BCAT1: variants seen among roughly 807,000 people sequenced by gnomAD.
BCAT1 encodes the protein branched chain amino acid transaminase 1.
Under a neutral mutation model 52.4 loss-of-function variants are expected in BCAT1, and 48 were observed. That is an observed-to-expected ratio of 0.92 (90% CI 0.73 to 1.16). BCAT1 has a LOEUF of 1.16. BCAT1 is among the 50% of genes most tolerant of loss of function. The pLI, the probability that BCAT1 is intolerant of heterozygous loss-of-function variation, is 0.00. For missense variants in BCAT1, 451 were observed against 457.1 expected (o/e 0.99, Z 0.12); for synonymous variants, 167 against 161.3 (o/e 1.04, Z -0.27).
chr12:24,836,886 A>G, intron 7 of BCAT1, among the ~76,000 whole-genome samples: 1 of 83,292 alleles, frequency 1.2e-5, no homozygotes, highest in African/African-American at 4.9e-5. Context: ...AAAGAGAAAG[A>G]AAGAAAGAAA....
chr12:24,846,534 A>T (rs566928400), intron 6 of BCAT1, among the ~76,000 whole-genome samples: 1 of 152,352 alleles, frequency 6.6e-6, no homozygotes, highest in East Asian at 1.9e-4. Context: ...ACATCCCTCC[A>T]AAAGAATAAA....
chr12:24,898,705 AG>A (rs1943019983), intron 2 of BCAT1, among the ~76,000 whole-genome samples: 1 of 151,582 alleles, frequency 6.6e-6, no homozygotes, highest in African/African-American at 2.4e-5. Flanking sequence ...TAATACAAAC[AG>A]GGTTTCACCA....
chr12:24,828,710 T>G (rs1158744289), intron 10 of BCAT1, among the ~76,000 whole-genome samples: 1 of 152,110 alleles, frequency 6.6e-6, no homozygotes, highest in South Asian at 2.1e-4. Flanking sequence ...AAAATAACTA[T>G]CTAAAAGTAT....
rs1943979389 is a variant in BCAT1, at chr12:24,948,967, C to G, written c.-35G>C. ...GGCCACGAGGGAAGCTCGAGCTGAG[C>G]GGAGGGCAGATCCCAAGGGTCGTAG... On this transcript the variant is annotated 5_prime_UTR_variant, in exon 1 of 11. Transcript: ENST00000261192. 1 of 1,585,952 alleles carries G rather than the reference C, an allele frequency of 6.3e-7. No individual in the cohort carries two copies. The highest frequency in any genetic ancestry group is 1.3e-5 in the African/African-American group (1 of 74,532).
At chr12:24,871,935 T>C (rs759134804) in intron 5 of BCAT1, among the ~76,000 whole-genome samples, 161 of 152,294 alleles carry the variant, frequency 1.1e-3, no homozygotes, top group Non-Finnish European at 2.8e-4. Context: ...AAACTGAATA[T>C]TGTTTATAAA....
chr12:24,835,988 C>T (rs1940905975), intron 8 of BCAT1, among the ~76,000 whole-genome samples: 1 of 152,036 alleles, frequency 6.6e-6, no homozygotes, highest in Admixed American at 6.6e-5. Context: ...TTAAAATAGG[C>T]ATGTATATGA....
At chr12:24,902,363 G>T in intron 1 of BCAT1, 1 of 1,173,216 alleles carries the variant, frequency 8.5e-7, no homozygotes, top group East Asian at 4.7e-5. Flanking sequence ...CCACCAGCAG[G>T]GTCCTCCGAT....
At chr12:24,865,404 G>A (rs371662891) in intron 5 of BCAT1, among the ~76,000 whole-genome samples, 33 of 152,328 alleles carry the variant, frequency 2.2e-4, no homozygotes, top group African/African-American at 7.7e-4. Context: ...TGTGTGAGCT[G>A]CAGTAAGTAT....
intron 1 of BCAT1, among the ~76,000 whole-genome samples, chr12:24,917,168 G>C (rs550313504): frequency 1.3e-5 from 2 of 148,812 alleles, no homozygotes; most frequent in South Asian, 4.3e-4. Context: ...CTGCATGAAT[G>C]CATCAGTTTT....
At chr12:24,931,518 G>A (rs375923305) in intron 1 of BCAT1, among the ~76,000 whole-genome samples, 5 of 152,058 alleles carry the variant, frequency 3.3e-5, no homozygotes, top group African/African-American at 7.2e-5. Context: ...AATAAAAAGA[G>A]ACCCTGAATA....
At chr12:24,879,250 G>A (rs1464586658) in intron 4 of BCAT1, among the ~76,000 whole-genome samples, 1 of 152,168 alleles carries the variant, frequency 6.6e-6, no homozygotes, top group Non-Finnish European at 1.5e-5. Flanking sequence ...CAAACTGGGT[G>A]AAGTTATTGG....
In BCAT1 at chr12:24,829,882, T is replaced by G; in HGVS notation, c.1060A>C (p.Thr354Pro). 6.2e-7 allele frequency: 1 copy of G among 1,610,076 alleles called. No individual in the cohort carries two copies. The highest frequency in any genetic ancestry group is 1.7e-4 in the Middle Eastern group (1 of 6,050). ...GCCAGCTTAGGACCATTCTCCATAG[T>G]TGGAATGTGTATTGTCTACAAAAGA... Reference protein sequence around the residue: ...LYKGETIHIPTMENGPKLASR... With the variant: ...LYKGETIHIPPMENGPKLASR... Residue 354 changes from threonine to proline, a missense_variant, in exon 10 of 11, where the codon ACT (threonine) becomes CCT (proline). Transcript: ENST00000261192.
rs1325813561 is a variant in BCAT1, at chr12:24,812,905, C to A, written c.*5103G>T. 2.0e-5 allele frequency: 3 copies of A among 152,020 alleles called. No individual in the cohort carries two copies. Among genetic ancestry groups the A allele is most frequent in the Non-Finnish European group, 4.4e-5 (3 of 67,926 alleles). The allele number at this position is 152,020 out of a possible 1,614,324, so 9.4% of individuals were successfully genotyped here. On this transcript the variant is annotated 3_prime_UTR_variant, in exon 11 of 11. Coordinates refer to ENST00000261192, the MANE Select transcript of BCAT1 (RefSeq NM_005504.7). ...CCATCCCAACAGTAGATTACATAAACTGAACATCATGCAACTCAAGTTATA... is the reference window on the plus strand; with the variant it reads ...CCATCCCAACAGTAGATTACATAAAATGAACATCATGCAACTCAAGTTATA...
intron 1 of BCAT1, 118 bp from the exon 2 acceptor site, chr12:24,902,003 A>G: frequency 1.3e-6 from 2 of 1,594,972 alleles, no homozygotes; most frequent in Non-Finnish European, 1.7e-6. Flanking sequence ...AGGCAAACAC[A>G]AAAAAGGAGG....
At chr12:24,943,156 A>G (rs1105937) in intron 1 of BCAT1, among the ~76,000 whole-genome samples, 31,545 of 152,124 alleles carry the variant, frequency 0.21, 4,572 homozygotes, top group South Asian at 0.38. Context: ...TTGTGTCTAT[A>G]TGTGTTTGCA....
chr12:24,889,438 G>A (rs1051002258), intron 3 of BCAT1, among the ~76,000 whole-genome samples: 1 of 152,182 alleles, frequency 6.6e-6, no homozygotes, highest in African/African-American at 2.4e-5. Context: ...AGTCCCCCAT[G>A]CTCTTCCAGA....
chr12:24,820,174 C>T (rs1940056477), intron 10 of BCAT1, among the ~76,000 whole-genome samples: 2 of 152,134 alleles, frequency 1.3e-5, no homozygotes, highest in Admixed American at 6.6e-5. Flanking sequence ...CAATGACAGT[C>T]GTAGGCCACA....
chr12:24,889,793 C>T (rs1257572609), intron 3 of BCAT1, among the ~76,000 whole-genome samples: 1 of 152,128 alleles, frequency 6.6e-6, no homozygotes, highest in African/African-American at 2.4e-5. Flanking sequence ...AATTCAATAC[C>T]ACCCTAGGCT....
At chr12:24,835,301 T>G (rs1940869429) in intron 8 of BCAT1, among the ~76,000 whole-genome samples, 1 of 152,206 alleles carries the variant, frequency 6.6e-6, no homozygotes, top group South Asian at 2.1e-4. Context: ...TTCATCTATT[T>G]TGAAAGTCTT....
Sources: gnomAD v4.1 joint callset for allele counts (sites outside exome capture counted in the v4.1 genomes callset) on GRCh38, gnomAD v4.1.1 for gene constraint, MANE v1.5 for transcripts, NCBI Gene and HGNC (gene_info 2026-07-23, HGNC 2026-07-21) for gene names.